Variants in HSP90AA1 observed in about 807,000 individuals in gnomAD.
The protein encoded by HSP90AA1 is heat shock protein HSP 90-alpha.
HSP90AA1 carries 18 observed loss-of-function variants against 73.3 expected under a neutral mutation model. That is an observed-to-expected ratio of 0.25 (90% CI 0.17 to 0.36). The LOEUF is 0.36. Among genes scored for constraint, HSP90AA1 ranks in the 10% least tolerant of loss-of-function variants. HSP90AA1 has a pLI of 1.00. For missense variants in HSP90AA1, 704 were observed against 874.2 expected, an observed-to-expected ratio of 0.81 and a Z score of 2.45; for synonymous variants, 477 against 296.9, an observed-to-expected ratio of 1.61 and a Z score of -6.24.
At position 102,095,712 on chromosome 14, in the gene HSP90AA1, C is replaced by T. The variant is rs551558239; in HGVS notation, c.366+6163G>A. Among the ~76,000 whole-genome samples, 5 of 152,354 alleles carry T rather than the reference C, an allele frequency of 3.3e-5. 1 individual carries two copies. The highest frequency in any genetic ancestry group is 1.2e-4 in the African/African-American group (5 of 41,588). On this transcript the variant is annotated intron_variant, in intron 2 of 11. Coordinates refer to the HSP90AA1 transcript ENST00000334701. ...ATCTTCTGAGTCATCTTTGACTCATCTCTTGCCTTCAGCCCCCACATTCTG... is the reference window on the plus strand; with the variant it reads ...ATCTTCTGAGTCATCTTTGACTCATTTCTTGCCTTCAGCCCCCACATTCTG...
intron 8 of HSP90AA1, 53 bp from the exon 9 acceptor site, chr14:102,083,355 A>T: frequency 6.3e-7 from 1 of 1,595,992 alleles, no homozygotes; most frequent in Non-Finnish European, 8.6e-7. Context: ...GAATGGTTTC[A>T]TCTAGCTCTG....
chr14:102,133,090 G>C (rs2049928895), intron 1 of HSP90AA1, among the ~76,000 whole-genome samples: 1 of 152,102 alleles, frequency 6.6e-6, no homozygotes, highest in Non-Finnish European at 1.5e-5. Flanking sequence ...GACCAGCCTG[G>C]CCAACATGGT....
chr14:102,133,796 A>G (rs2049940757), intron 1 of HSP90AA1, among the ~76,000 whole-genome samples: 1 of 152,018 alleles, frequency 6.6e-6, no homozygotes, highest in African/African-American at 2.4e-5. Flanking sequence ...ACTAGTTCTT[A>G]AAGAATACAC....
upstream of HSP90AA1, among the ~76,000 whole-genome samples, chr14:102,087,936 T>TGG (rs1249319572): frequency 7.6e-6 from 1 of 131,058 alleles, no homozygotes; most frequent in African/African-American, 3.0e-5. Flanking sequence ...AAAAGGTTTT[T>TGG]TTTTTTTTTT....
intron 1 of HSP90AA1, among the ~76,000 whole-genome samples, 156 bp downstream of exon 1, chr14:102,086,830 T>A (rs61992489): frequency 6.6e-6 from 1 of 151,472 alleles, no homozygotes; most frequent in African/African-American, 2.4e-5. Flanking sequence ...ACCGCAGCGG[T>A]CCCGAGGCCT....
intron 2 of HSP90AA1, among the ~76,000 whole-genome samples, chr14:102,098,367 G>A (rs2049451616): frequency 1.3e-5 from 2 of 150,164 alleles, no homozygotes; most frequent in Admixed American, 1.3e-4. Context: ...TCACCATATT[G>A]GCCAGGTTGG....
chr14:102,081,878 G>GT (rs1314485095), intron 10 of HSP90AA1, 57 bp from the exon 11 acceptor site: 1 of 880,306 alleles, frequency 1.1e-6, no homozygotes, highest in Non-Finnish European at 2.0e-6. Flanking sequence ...AGCTATTAGG[G>GT]TAATACTCTT....
chr14:102,124,051 G>A (rs942759050), intron 1 of HSP90AA1, among the ~76,000 whole-genome samples: 1 of 151,954 alleles, frequency 6.6e-6, no homozygotes, highest in African/African-American at 2.4e-5. Flanking sequence ...CCAAAATGCT[G>A]GGATTACAGG....
chr14:102,128,501 C>G (rs147408090), intron 1 of HSP90AA1, among the ~76,000 whole-genome samples: 1 of 151,892 alleles, frequency 6.6e-6, no homozygotes, highest in Admixed American at 6.6e-5. Context: ...TGGTGGCGGG[C>G]GCCTGTAATC....
intron 5 of HSP90AA1, 37 bp from the exon 6 acceptor site, chr14:102,084,601 A>G (rs778519948): frequency 1.8e-5 from 29 of 1,614,230 alleles, no homozygotes; most frequent in Non-Finnish European, 2.4e-5. Context: ...CCAATGAACA[A>G]TGCATTATAG....
chr14:102,111,871 T>C (rs1333870621), intron 1 of HSP90AA1, among the ~76,000 whole-genome samples: 5 of 152,238 alleles, frequency 3.3e-5, no homozygotes, highest in Admixed American at 3.3e-4. Flanking sequence ...ACTTGTGTTA[T>C]GGTTTTCAGT....
chr14:102,132,025 C>T (rs1447229197), intron 1 of HSP90AA1, among the ~76,000 whole-genome samples: 2 of 152,120 alleles, frequency 1.3e-5, no homozygotes, highest in African/African-American at 4.8e-5. Flanking sequence ...TCACTTGAGC[C>T]TAGGAGTTCA....
exon 1 of HSP90AA1, chr14:102,139,328 C>A: frequency 6.2e-7 from 1 of 1,613,564 alleles, no homozygotes; most frequent in Admixed American, 1.7e-5. Flanking sequence ...GTATTCAGCA[C>A]TCTGGGCGGG....
chr14:102,098,406 C>T (rs1344490821), intron 2 of HSP90AA1, among the ~76,000 whole-genome samples: 2 of 150,342 alleles, frequency 1.3e-5, no homozygotes, highest in Non-Finnish European at 3.0e-5. Context: ...GTGATCTGCC[C>T]GCCTCAGCCT....
intron 1 of HSP90AA1, among the ~76,000 whole-genome samples, chr14:102,134,633 T>C (rs928947021): frequency 3.3e-5 from 5 of 152,068 alleles, no homozygotes; most frequent in African/African-American, 7.2e-5. Flanking sequence ...GTATTACAGC[T>C]CCTAAGGCAG....
At chr14:102,088,143 T>C (rs1436836750), upstream of HSP90AA1, among the ~76,000 whole-genome samples, 1 of 152,092 alleles carries the variant, frequency 6.6e-6, no homozygotes, top group South Asian at 2.1e-4. Flanking sequence ...TTTGTATTTA[T>C]TTGTAGAGTC....
intron 7 of HSP90AA1, 28 bp downstream of exon 7, chr14:102,083,765 T>C (rs749281736): frequency 3.2e-5 from 51 of 1,595,916 alleles, no homozygotes; most frequent in Non-Finnish European, 4.4e-5. Context: ...AGAGGCCAAT[T>C]GGAAAACTAA....
At chr14:102,082,808 G>C in intron 9 of HSP90AA1, 1 of 552,600 alleles carries the variant, frequency 1.8e-6, no homozygotes, top group Non-Finnish European at 3.2e-6. Context: ...TTTTAGTAGA[G>C]ACTGAGTTTC....
At chr14:102,100,001 A>G (rs1595667967) in intron 2 of HSP90AA1, among the ~76,000 whole-genome samples, 2 of 152,116 alleles carry the variant, frequency 1.3e-5, no homozygotes, top group South Asian at 4.1e-4. Context: ...AGCCTGGGTG[A>G]TATAGGGAAC....
Sources: gnomAD v4.1 joint callset for allele counts (sites outside exome capture counted in the v4.1 genomes callset) on GRCh38, gnomAD v4.1.1 for gene constraint, MANE v1.5 for transcripts, NCBI Gene and HGNC (gene_info 2026-07-23, HGNC 2026-07-21) for gene names.